The following MAST2 variants were observed in gnomAD, a reference collection of about 807,000 sequenced individuals.
MAST2 encodes microtubule-associated serine/threonine-protein kinase 2.
A neutral mutation model predicts 147.4 loss-of-function variants in MAST2; 70 were observed. The observed-to-expected ratio is 0.47, with a 90% CI of 0.39 to 0.58. MAST2 has a LOEUF of 0.58. Ranked by LOEUF, MAST2 falls within the 20% of genes least tolerant of loss-of-function variation. MAST2 has a pLI of 0.00. For synonymous variants in MAST2, 869 were observed against 896.8 expected, an observed-to-expected ratio of 0.97 and a Z score of 0.55; for missense variants, 2,080 against 2,302.3, an observed-to-expected ratio of 0.90 and a Z score of 1.98.
chr1:46,008,222 C>A, intron 8 of MAST2, 74 bp from the exon 9 acceptor site: 2 of 985,094 alleles, frequency 2.0e-6, no homozygotes, highest in South Asian at 1.4e-5. Flanking sequence ...GGGGCAGGGT[C>A]TCTGGGGATG....
At chr1:45,988,670 A>AGGTATTTAT (rs1644743177) in intron 5 of MAST2, among the ~76,000 whole-genome samples, 1 of 152,160 alleles carries the variant, frequency 6.6e-6, no homozygotes, top group East Asian at 1.9e-4. Flanking sequence ...TCAATCATTT[A>AGGTATTTAT]TATCAGTATG....
At chr1:45,925,885 C>G (rs1023510782) in intron 4 of MAST2, among the ~76,000 whole-genome samples, 5 of 152,150 alleles carry the variant, frequency 3.3e-5, no homozygotes, top group Admixed American at 2.6e-4. Context: ...CTGGCACCTC[C>G]TATGTCACAC....
At chr1:45,964,892 A>G (rs1022213122) in intron 5 of MAST2, among the ~76,000 whole-genome samples, 8 of 151,896 alleles carry the variant, frequency 5.3e-5, no homozygotes, top group African/African-American at 1.2e-4. Context: ...TGCTTTAAAT[A>G]TGTCCCAGAG....
intron 8 of MAST2, 54 bp from the exon 9 acceptor site, chr1:46,008,242 C>G: frequency 3.7e-6 from 5 of 1,334,608 alleles, no homozygotes; most frequent in Non-Finnish European, 5.4e-6. Flanking sequence ...GGCCATCTTT[C>G]TTCTTGATAG....
At chr1:45,924,190 A>C (rs1653988927) in intron 4 of MAST2, among the ~76,000 whole-genome samples, 1 of 152,122 alleles carries the variant, frequency 6.6e-6, no homozygotes, top group Non-Finnish European at 1.5e-5. Context: ...CTGTTTTTTT[A>C]GGCCTGTATC....
In MAST2 at chr1:45,841,339, TA is replaced by T. The variant is rs771536374; in HGVS notation, c.468+11759del. ...TTTAACAATATGAACAAAATGTATA[TA>T]TTTTTTTCTTTTTATGCCTCGGTAC... On this transcript the variant is annotated intron_variant, in intron 3 of 28. Transcript: ENST00000361297. 4.6e-5 allele frequency among the ~76,000 whole-genome samples: 7 copies of T among 152,098 alleles called. No individual in the cohort carries two copies. In the East Asian group the frequency reaches 5.8e-4, roughly 13 times the overall value.
chr1:45,816,201 G>T (rs892372565), intron 1 of MAST2, among the ~76,000 whole-genome samples: 4 of 142,814 alleles, frequency 2.8e-5, no homozygotes, highest in African/African-American at 5.2e-5. Flanking sequence ...TATTGGGGGT[G>T]GGGGGGAGAG....
intron 5 of MAST2, among the ~76,000 whole-genome samples, chr1:45,960,996 G>T (rs1350141120): frequency 3.3e-5 from 5 of 152,198 alleles, no homozygotes; most frequent in Admixed American, 3.3e-4. Context: ...GGTCCTGAGA[G>T]TCTGGTGATT....
intron 5 of MAST2, among the ~76,000 whole-genome samples, chr1:45,965,422 C>T (rs950041608): frequency 2.0e-5 from 3 of 152,064 alleles, no homozygotes; most frequent in Non-Finnish European, 4.4e-5. Context: ...ATTGGGTGCA[C>T]ATATATTTAG....
intron 4 of MAST2, among the ~76,000 whole-genome samples, chr1:45,897,522 A>AT (rs1407884583): frequency 2.6e-5 from 4 of 152,146 alleles, no homozygotes; most frequent in African/African-American, 4.8e-5. Flanking sequence ...GAAAGAAAAA[A>AT]CTATAGGCTA....
At chr1:45,938,702 T>G (rs878903764) in intron 4 of MAST2, among the ~76,000 whole-genome samples, 1 of 152,216 alleles carries the variant, frequency 6.6e-6, no homozygotes, top group Non-Finnish European at 1.5e-5. Flanking sequence ...AGAGTTTATT[T>G]TTTAACATTC....
At chr1:45,905,764 A>C (rs1183661885) in intron 4 of MAST2, among the ~76,000 whole-genome samples, 2 of 144,990 alleles carry the variant, frequency 1.4e-5, no homozygotes, top group Admixed American at 1.4e-4. Flanking sequence ...AGACAGAGCA[A>C]GACTCTGTCT....
intron 26 of MAST2, 54 bp from the exon 27 acceptor site, chr1:46,033,748 G>T (rs1646777652): frequency 2.5e-6 from 4 of 1,594,780 alleles, no homozygotes; most frequent in Non-Finnish European, 3.4e-6. Context: ...TGGGGGAGGG[G>T]AGGGGCAAGA....
At chr1:46,025,879 G>T in intron 16 of MAST2, 64 bp downstream of exon 16, 1 of 1,600,070 alleles carries the variant, frequency 6.2e-7, no homozygotes, top group Admixed American at 1.7e-5. Flanking sequence ...TAAAATGTTG[G>T]CAAGCACAGT....
chr1:45,866,969 T>G (rs182142152), intron 3 of MAST2, among the ~76,000 whole-genome samples: 1 of 152,264 alleles, frequency 6.6e-6, no homozygotes, highest in East Asian at 1.9e-4. Context: ...CAGCCGGGTC[T>G]CAAACTCCTG....
chr1:46,018,846 T>C (rs1465632045), intron 10 of MAST2, among the ~76,000 whole-genome samples: 2 of 152,220 alleles, frequency 1.3e-5, no homozygotes, highest in Non-Finnish European at 2.9e-5. Flanking sequence ...GACTCTCATA[T>C]AGGTGCCTGA....
chr1:45,837,003 G>T (rs751932031), intron 3 of MAST2, among the ~76,000 whole-genome samples: 3 of 152,174 alleles, frequency 2.0e-5, no homozygotes, highest in African/African-American at 4.8e-5. Flanking sequence ...CGTATGCGCA[G>T]TTCACAATAG....
chr1:45,900,162 T>A (rs866137690), intron 4 of MAST2, among the ~76,000 whole-genome samples: 8 of 86,408 alleles, frequency 9.3e-5, no homozygotes, highest in Middle Eastern at 0.014. Flanking sequence ...AGAGCGAGAC[T>A]CTCTCTCTCT....
chr1:46,000,778 A>G (rs1375818620), intron 6 of MAST2, among the ~76,000 whole-genome samples: 1 of 152,222 alleles, frequency 6.6e-6, no homozygotes, highest in Non-Finnish European at 1.5e-5. Context: ...GCAATGTCAA[A>G]CAAAAGACAG....
Sources: allele counts gnomAD v4.1 joint callset (sites outside exome capture counted in the v4.1 genomes callset), GRCh38; gene constraint gnomAD v4.1.1; transcripts MANE v1.5; gene names NCBI Gene and HGNC (gene_info 2026-07-23, HGNC 2026-07-21).